The following RFXAP variants were observed in gnomAD, a reference collection of about 807,000 sequenced individuals.
RFXAP encodes the protein regulatory factor X associated protein.
Under a neutral mutation model 25.7 loss-of-function variants are expected in RFXAP, and 21 were observed. The observed-to-expected ratio is 0.82, with a 90% CI of 0.58 to 1.18. RFXAP has a LOEUF of 1.18. RFXAP is among the 50% of genes most tolerant of loss of function. RFXAP has a pLI of 0.00. For missense variants in RFXAP, 333 were observed against 363.0 expected (o/e 0.92, Z 0.67); for synonymous variants, 161 against 152.2 (o/e 1.06, Z -0.43).
In RFXAP at chr13:36,819,464, C is replaced by T; in HGVS notation, c.107C>T (p.Ser36Leu). Residue 36 changes from serine to leucine, a missense_variant, in exon 1 of 3, where the codon TCG becomes TTG. Physicochemically the swap from Ser to Leu is moderately radical, Grantham distance 145. Transcript: ENST00000255476. ...GCGGCTCCCACCTTGGCGCCAGCCT[C>T]GGTGGCGGCCGCGGCCTCTCAATTC... The part of the protein sequence containing the change: ...PAAAPTLAPA[S>L]VAAAASQFTL... 1 of 1,514,612 alleles carries T rather than the reference C, an allele frequency of 6.6e-7. No individual in the cohort carries two copies. Among genetic ancestry groups the T allele is most frequent in the Non-Finnish European group, 8.8e-7 (1 of 1,130,942 alleles). 93.8% of individuals were successfully genotyped at this position (1,514,612 alleles called of 1,614,324 possible). A position where few individuals can be genotyped will look rare whatever the true frequency, so the allele number is the denominator to read the frequency against.
At chr13:36,822,293 G>A (rs1019622988) in intron 1 of RFXAP, among the ~76,000 whole-genome samples, 5 of 151,902 alleles carry the variant, frequency 3.3e-5, no homozygotes, top group African/African-American at 1.2e-4. Context: ...GTTTTGCCAT[G>A]TTGGCCAGTC....
chr13:36,826,366 C>T (rs529485629), intron 2 of RFXAP, among the ~76,000 whole-genome samples: 1 of 152,046 alleles, frequency 6.6e-6, no homozygotes, highest in Admixed American at 6.6e-5. Context: ...GAAAGGTATT[C>T]AATATCAGTA....
rs139257647 is a variant in RFXAP at position 36,820,366 on chromosome 13, C to T, written c.600+409C>T. 9.5e-4 allele frequency among the ~76,000 whole-genome samples: 145 copies of T among 152,152 alleles called. 1 individual carries two copies. In the East Asian group the frequency reaches 0.026, roughly 28 times the overall value. Reference sequence around the variant, plus strand: ...ATTCTCAGTATCCAGTTCTCAGTACCCAGTTCTCAGTACCTCTATTTGTAA... The same window carrying T: ...ATTCTCAGTATCCAGTTCTCAGTACTCAGTTCTCAGTACCTCTATTTGTAA... On this transcript the variant is annotated intron_variant, in intron 1 of 2. Coordinates refer to ENST00000255476, the MANE Select transcript of RFXAP (RefSeq NM_000538.4).
intron 1 of RFXAP, among the ~76,000 whole-genome samples, chr13:36,820,665 A>G (rs1279485460): frequency 6.6e-6 from 1 of 152,188 alleles, no homozygotes. Context: ...AGGGGGGAAA[A>G]AAAGGATGAT....
intron 1 of RFXAP, among the ~76,000 whole-genome samples, chr13:36,821,627 A>T (rs1593530803): frequency 6.6e-6 from 1 of 152,276 alleles, no homozygotes; most frequent in East Asian, 1.9e-4. Context: ...GTGCTACTTC[A>T]CTCCAGCCTG....
intron 1 of RFXAP, among the ~76,000 whole-genome samples, chr13:36,821,363 C>T (rs1238517542): frequency 6.6e-6 from 1 of 151,610 alleles, no homozygotes; most frequent in African/African-American, 2.4e-5. Context: ...TAATTGTTTA[C>T]AAATGTAATG....
At position 36,820,061 on chromosome 13, in the gene RFXAP, G is replaced by C. The variant is rs146949171; in HGVS notation, c.600+104G>C. ...CTGCCTCCCCACTTCCAAATGGGCC[G>C]GTTTGCAGTGACTGGGTTAGTGGTT... On this transcript the variant is annotated intron_variant, in intron 1 of 2. Coordinates refer to ENST00000255476, the MANE Select transcript of RFXAP (RefSeq NM_000538.4). 1.2e-3 allele frequency: 1,795 copies of C among 1,501,544 alleles called. 20 individuals are homozygous for C. In the African/African-American group the frequency reaches 0.021, roughly 18 times the overall value. The allele number at this position is 1,501,544 out of a possible 1,614,324, so 93.0% of individuals were successfully genotyped here.
chr13:36,822,102 T>C (rs1170816548), intron 1 of RFXAP, among the ~76,000 whole-genome samples: 1 of 151,928 alleles, frequency 6.6e-6, no homozygotes, highest in African/African-American at 2.4e-5. Context: ...TTCTTTTTTT[T>C]TTTTGAGACA....
intron 1 of RFXAP, among the ~76,000 whole-genome samples, chr13:36,825,159 T>C (rs1390628605): frequency 6.6e-6 from 1 of 152,106 alleles, no homozygotes; most frequent in Non-Finnish European, 1.5e-5. Flanking sequence ...TCACACTCTA[T>C]CACACACACT....
Position 36,819,649 on chromosome 13 carries a change from C to A in RFXAP, c.292C>A (p.Pro98Thr), listed in dbSNP as rs2057955091. ...GGCGGACCTGTTAGACACTTCGGAC[C>A]CTCCGGGGGGAGGCGAGAGCGCGGC... The part of the protein sequence containing the change: ...DEADLLDTSD[P>T]PGGGESAASL... The change falls in exon 1 of 3, where the codon CCT (proline) becomes ACT (threonine). Residue 98 changes from proline (P) to threonine (T), a missense_variant. Physicochemically the swap from Pro to Thr is conservative, Grantham distance 38 (BLOSUM62 -1). Transcript: ENST00000255476. The A allele has an allele frequency of 6.5e-7, 1 of 1,547,984 alleles. No individual in the cohort carries two copies. Among genetic ancestry groups the A allele is most frequent in the African/African-American group, 1.4e-5 (1 of 73,068 alleles).
Position 36,819,545 on chromosome 13 carries a change from G to A in RFXAP, c.188G>A (p.Gly63Asp), listed in dbSNP as rs1335500955. Residue 63 changes from glycine to aspartate, a missense_variant, in exon 1 of 3, where the codon GGC (glycine) becomes GAC (aspartate). Coordinates refer to ENST00000255476, the MANE Select transcript of RFXAP (RefSeq NM_000538.4). ...AGQDEAAAPG[G>D]SVGAGKPVRY... ...CAGGACGAGGCTGCGGCCCCCGGGG[G>A]CAGCGTTGGGGCGGGCAAGCCCGTT... 5.9e-6 allele frequency: 9 copies of A among 1,522,254 alleles called. No homozygotes were observed. The South Asian group carries it at 1.0e-4, about 17-fold the overall frequency. The allele number at this position is 1,522,254 out of a possible 1,614,324, so 94.3% of individuals were successfully genotyped here. A position where few individuals can be genotyped will look rare whatever the true frequency, so the allele number is the denominator to read the frequency against.
rs570270201 is a variant in RFXAP at position 36,827,599 on chromosome 13, A to G, written c.709-44A>G. 4 of 1,331,004 alleles carry G rather than the reference A, an allele frequency of 3.0e-6. No homozygotes were observed. In the South Asian group the frequency reaches 3.6e-5, roughly 12 times the overall value. 82.4% of individuals were successfully genotyped at this position (1,331,004 alleles called of 1,614,324 possible). ...TAATTAGCATGAAAACAGTCTAATG[A>G]CATAGATTAATGCTATTAATAATTT... On this transcript the variant is annotated intron_variant, in intron 2 of 2. Coordinates refer to ENST00000255476, the MANE Select transcript of RFXAP (RefSeq NM_000538.4).
At chr13:36,826,987 TCTC>T (rs2057980143) in intron 2 of RFXAP, among the ~76,000 whole-genome samples, 1 of 152,186 alleles carries the variant, frequency 6.6e-6, no homozygotes, top group African/African-American at 2.4e-5. Flanking sequence ...TGAGACCCTG[TCTC>T]TAATAATAAT....
chr13:36,822,967 C>T (rs986971203), intron 1 of RFXAP, among the ~76,000 whole-genome samples: 14 of 152,182 alleles, frequency 9.2e-5, no homozygotes, highest in Non-Finnish European at 1.6e-4. Flanking sequence ...TCCAGAAAGG[C>T]TTTGCAGAGG....
intron 2 of RFXAP, among the ~76,000 whole-genome samples, chr13:36,826,160 A>G (rs2057977322): frequency 6.6e-6 from 1 of 152,184 alleles, no homozygotes; most frequent in Non-Finnish European, 1.5e-5. Flanking sequence ...GCAACAGAGC[A>G]CCCTATAAAT....
In RFXAP at chr13:36,819,510, C is replaced by G; in HGVS notation, c.153C>G (p.Pro51=). ...AATTCACCCTGCTAGTGATGCAACC[C>G]TGTGCTGGGCAGGACGAGGCTGCGG... ...ASQFTLLVMQ[P]CAGQDEAAAP... The change falls in exon 1 of 3, where the codon CCC becomes CCG. Residue 51 remains proline (P), a synonymous_variant. Coordinates refer to ENST00000255476, the MANE Select transcript of RFXAP (RefSeq NM_000538.4). 6.5e-7 allele frequency: 1 copy of G among 1,545,602 alleles called. No individual in the cohort carries two copies. Among genetic ancestry groups the G allele is most frequent in the Non-Finnish European group, 8.7e-7 (1 of 1,145,176 alleles).
rs544552231 is a variant in RFXAP, at chr13:36,821,437, G to A, written c.600+1480G>A. Among the ~76,000 whole-genome samples, 5 of 152,028 alleles carry A rather than the reference G, an allele frequency of 3.3e-5. No individual in the cohort carries two copies. In the East Asian group the frequency reaches 9.7e-4, roughly 30 times the overall value. ...GAACTTGGGGAGGCCTAGGAGGGAG[G>A]ATCGCTTGAGCCCGGAAGTTTGAGA... On this transcript the variant is annotated intron_variant, in intron 1 of 2. Transcript: ENST00000255476.
Position 36,819,711 on chromosome 13 carries a change from G to C in RFXAP, c.354G>C (p.Ser118=), listed in dbSNP as rs113555392. The change falls in exon 1 of 3, where the codon TCG becomes TCC. Residue 118 remains serine (S), a synonymous_variant. Coordinates refer to ENST00000255476, the MANE Select transcript of RFXAP (RefSeq NM_000538.4). ...LEDLEDEETH[S]GGEGSSGGAR... Reference sequence around the variant, plus strand: ...ATCTAGAGGACGAGGAGACTCACTCGGGGGGCGAGGGCAGCAGCGGGGGCG... The same window carrying C: ...ATCTAGAGGACGAGGAGACTCACTCCGGGGGCGAGGGCAGCAGCGGGGGCG... 4.3e-4 allele frequency: 662 copies of C among 1,550,386 alleles called. 9 individuals are homozygous for C. In the African/African-American group the frequency reaches 7.6e-3, roughly 18 times the overall value.
Position 36,819,975 on chromosome 13 carries a change from G to A in RFXAP, c.600+18G>A, listed in dbSNP as rs369607115. 3.7e-6 allele frequency: 6 copies of A among 1,612,650 alleles called. No individual in the cohort carries two copies. The African/African-American group carries it at 4.0e-5, about 11-fold the overall frequency. ...AACTCGAGGTATCAGACTTAGCTGA[G>A]GCCTGGGGATGGGAGGTGGAAGAAG... On this transcript the variant is annotated intron_variant, in intron 1 of 2. Coordinates refer to ENST00000255476, the MANE Select transcript of RFXAP (RefSeq NM_000538.4).
Sources: allele counts gnomAD v4.1 joint callset (sites outside exome capture counted in the v4.1 genomes callset), GRCh38; gene constraint gnomAD v4.1.1; transcripts MANE v1.5; gene names NCBI Gene and HGNC (gene_info 2026-07-23, HGNC 2026-07-21).